The following SMCHD1 variants were observed in gnomAD, a reference collection of about 807,000 sequenced individuals.
SMCHD1 encodes structural maintenance of chromosomes flexible hinge domain containing 1.
Under a neutral mutation model 254.7 loss-of-function variants are expected in SMCHD1, and 78 were observed. That is an observed-to-expected ratio of 0.31 (90% confidence interval 0.26 to 0.37). The LOEUF is 0.37. Among genes scored for constraint, SMCHD1 ranks in the 10% least tolerant of loss-of-function variants. SMCHD1 has a pLI of 1.00. For synonymous variants in SMCHD1, 766 were observed against 794.9 expected, an observed-to-expected ratio of 0.96 and a Z score of 0.61; for missense variants, 1,840 against 2,408.1, an observed-to-expected ratio of 0.76 and a Z score of 4.94.
intron 30 of SMCHD1, 74 bp from the exon 31 acceptor site, chr18:2,749,969 T>A: frequency 7.7e-7 from 1 of 1,295,482 alleles, no homozygotes; most frequent in Non-Finnish European, 1.1e-6. Flanking sequence ...GGAAAGAACA[T>A]TGTAATGGAA....
At chr18:2,789,551 A>G (rs2076287911) in intron 45 of SMCHD1, among the ~76,000 whole-genome samples, 1 of 152,114 alleles carries the variant, frequency 6.6e-6, no homozygotes, top group East Asian at 1.9e-4. Context: ...CTTGTTTCCT[A>G]TACAGACTTA....
chr18:2,771,861 T>C (rs907519319), intron 40 of SMCHD1, among the ~76,000 whole-genome samples: 3 of 152,208 alleles, frequency 2.0e-5, no homozygotes, highest in Non-Finnish European at 4.4e-5. Flanking sequence ...TCAGTTCAAG[T>C]ACTGCATTGA....
intron 7 of SMCHD1, among the ~76,000 whole-genome samples, chr18:2,692,074 G>C (rs1043280252): frequency 6.6e-6 from 1 of 152,232 alleles, no homozygotes; most frequent in African/African-American, 2.4e-5. Flanking sequence ...AAACTAATTT[G>C]CATCCACAAT....
chr18:2,702,938 A>G (rs1290104115), intron 12 of SMCHD1, among the ~76,000 whole-genome samples: 2 of 152,176 alleles, frequency 1.3e-5, no homozygotes, highest in Non-Finnish European at 2.9e-5. Flanking sequence ...TCATTGCCCT[A>G]GAGGCAGGCA....
rs2074851053 is a variant in SMCHD1, at chr18:2,718,529, A to C, written c.2458+95A>C. 4.6e-6 allele frequency: 5 copies of C among 1,075,660 alleles called. No homozygotes were observed. Among genetic ancestry groups the C allele is most frequent in the Admixed American group, 2.9e-5 (1 of 34,108 alleles). The allele number at this position is 1,075,660 out of a possible 1,614,324, so 66.6% of individuals were successfully genotyped here. The stretch of plus-strand genomic sequence containing the variant: ...ATAAGCCATTAAAAGATGTTTGAAC[A>C]ATTGGGTAACCATCTCGATTTTATT... On this transcript the variant is annotated intron_variant, in intron 19 of 47. Transcript: ENST00000320876. The surrounding 1 kb of genome is among the most constrained non-coding windows in gnomAD (Gnocchi z 4.6).
chr18:2,768,986 C>T (rs190705270), intron 37 of SMCHD1, among the ~76,000 whole-genome samples: 11 of 151,884 alleles, frequency 7.2e-5, no homozygotes, highest in Non-Finnish European at 1.3e-4. Context: ...AGTGCCATAT[C>T]GATTTAGATT....
chr18:2,670,750 A>C (rs937640831), intron 3 of SMCHD1, among the ~76,000 whole-genome samples: 2 of 151,666 alleles, frequency 1.3e-5, no homozygotes, highest in East Asian at 4.0e-4. Context: ...AAAGTACAAA[A>C]ATTGGCCAGG....
At chr18:2,794,774 C>A (rs2076228347) in intron 45 of SMCHD1, among the ~76,000 whole-genome samples, 1 of 152,120 alleles carries the variant, frequency 6.6e-6, no homozygotes, top group Non-Finnish European at 1.5e-5. Context: ...AATTCCCAAA[C>A]CTACAGATTA....
In SMCHD1 at chr18:2,689,956, A is replaced by G. The variant is rs149223919; in HGVS notation, c.873+1209A>G. 8.7e-3 allele frequency among the ~76,000 whole-genome samples: 1,322 copies of G among 152,020 alleles called. 22 individuals carry two copies. Among genetic ancestry groups the G allele is most frequent in the African/African-American group, 0.03 (1,252 of 41,462 alleles). ...GGAGGATCACTTGAGCCCAGCTGCAAGTGAGCTATGATCATGCCACTACAT... is the reference window on the plus strand; with the variant it reads ...GGAGGATCACTTGAGCCCAGCTGCAGGTGAGCTATGATCATGCCACTACAT... On this transcript the variant is annotated intron_variant, in intron 7 of 47. Coordinates refer to ENST00000320876, the MANE Select transcript of SMCHD1 (RefSeq NM_015295.3).
intron 45 of SMCHD1, among the ~76,000 whole-genome samples, chr18:2,791,446 C>T (rs994787844): frequency 6.6e-6 from 1 of 152,074 alleles, no homozygotes; most frequent in East Asian, 1.9e-4. Context: ...CCTGGTGGCT[C>T]GCTCCTTTAG....
intron 35 of SMCHD1, among the ~76,000 whole-genome samples, chr18:2,761,225 C>T (rs528609145): frequency 6.6e-6 from 1 of 152,140 alleles, no homozygotes; most frequent in South Asian, 2.1e-4. Flanking sequence ...TACACACGGA[C>T]ACAAAGATGG....
At position 2,661,401 on chromosome 18, in the gene SMCHD1, ATGGGTTTTTAATATGGATTAGAAATCTG is replaced by A. The variant is rs1175680353; in HGVS notation, c.187-4679_187-4652del. Among the ~76,000 whole-genome samples, 931 of 151,858 alleles carry A rather than the reference ATGGGTTTTTAATATGGATTAGAAATCTG, an allele frequency of 6.1e-3. 124 individuals are homozygous for A. Among genetic ancestry groups the A allele is most frequent in the African/African-American group, 0.02 (839 of 41,226 alleles). ...TAGTAGATTTATAGATTAAAAATCTATGGGTTTTTAATATGGATTAGAAATCTGTGGGTTTTTAATATGGATTAGAAAT... is the reference window on the plus strand; with the variant it reads ...TAGTAGATTTATAGATTAAAAATCTATGGGTTTTTAATATGGATTAGAAAT... On this transcript the variant is annotated intron_variant, in intron 1 of 47. Coordinates refer to ENST00000320876, the MANE Select transcript of SMCHD1 (RefSeq NM_015295.3).
intron 25 of SMCHD1, among the ~76,000 whole-genome samples, chr18:2,732,798 A>G (rs2075168151): frequency 6.6e-6 from 1 of 152,172 alleles, no homozygotes; most frequent in Non-Finnish European, 1.5e-5. Flanking sequence ...CAACATCACC[A>G]CCTTGATAAA....
intron 1 of SMCHD1, among the ~76,000 whole-genome samples, chr18:2,662,199 AT>A (rs2073298345): frequency 8.8e-5 from 8 of 90,466 alleles, no homozygotes; most frequent in African/African-American, 6.8e-4. Context: ...AAATAAATAA[AT>A]AAAGAAAGAA....
At chr18:2,748,985 T>A (rs1192530343) in intron 30 of SMCHD1, among the ~76,000 whole-genome samples, 1 of 152,206 alleles carries the variant, frequency 6.6e-6, no homozygotes, top group African/African-American at 2.4e-5. Context: ...GTGCCAAGAA[T>A]GGCTTGTTAC....
intron 7 of SMCHD1, among the ~76,000 whole-genome samples, chr18:2,692,582 T>A (rs1398511953): frequency 2.0e-5 from 3 of 152,226 alleles, no homozygotes; most frequent in African/African-American, 7.2e-5. Flanking sequence ...CCACCCACTT[T>A]CCACTGCTCT....
chr18:2,724,850 T>G, intron 20 of SMCHD1, 49 bp from the exon 21 acceptor site: 1 of 1,019,100 alleles, frequency 9.8e-7, no homozygotes, highest in African/African-American at 1.6e-5. Flanking sequence ...CATTTGCAGC[T>G]TACTTGTAGG....
chr18:2,792,142 A>G (rs2076178198), intron 45 of SMCHD1, among the ~76,000 whole-genome samples: 1 of 152,212 alleles, frequency 6.6e-6, no homozygotes, highest in Admixed American at 6.5e-5. Flanking sequence ...TACAAATAAA[A>G]TTTGCTTTTA....
At chr18:2,724,594 G>T (rs1458641129) in intron 20 of SMCHD1, among the ~76,000 whole-genome samples, 1 of 152,008 alleles carries the variant, frequency 6.6e-6, no homozygotes, top group Non-Finnish European at 1.5e-5. Flanking sequence ...TGTATACATG[G>T]TCTAGCATTA....
Sources: allele counts gnomAD v4.1 joint callset (sites outside exome capture counted in the v4.1 genomes callset), GRCh38; gene constraint gnomAD v4.1.1; non-coding constraint Gnocchi (gnomAD v3.1); transcripts MANE v1.5; gene names NCBI Gene and HGNC (gene_info 2026-07-23, HGNC 2026-07-21).